SVEP1: variants seen among roughly 807,000 people sequenced by gnomAD.
The protein encoded by SVEP1 is sushi, von Willebrand factor type A, EGF and pentraxin domain-containing protein 1.
A neutral mutation model predicts 367.3 loss-of-function variants in SVEP1; 164 were observed. The ratio of observed to expected loss-of-function variants is 0.45; its 90% confidence interval spans 0.39 to 0.51. The LOEUF (loss-of-function observed/expected upper bound fraction) is 0.51. SVEP1 is among the 20% of genes least tolerant of loss of function. The pLI is 0.00. For synonymous variants in SVEP1, 1,666 were observed against 1,611.6 expected, an observed-to-expected ratio of 1.03 and a Z score of -0.81; for missense variants, 4,117 against 4,425.3, an observed-to-expected ratio of 0.93 and a Z score of 1.98.
At chr9:110,393,392 G>A (rs907489883) in intron 40 of SVEP1, among the ~76,000 whole-genome samples, 12 of 152,150 alleles carry the variant, frequency 7.9e-5, no homozygotes, top group African/African-American at 2.9e-4. Context: ...ACAGAAAAGT[G>A]GCGATGAGAT....
At chr9:110,386,861 C>T (rs1041501506) in intron 42 of SVEP1, among the ~76,000 whole-genome samples, 4 of 152,144 alleles carry the variant, frequency 2.6e-5, no homozygotes, top group Admixed American at 6.5e-5. Context: ...TGTTTTCATT[C>T]GAATGGCTAT....
chr9:110,477,493 C>T (rs1372707495), intron 13 of SVEP1, among the ~76,000 whole-genome samples: 1 of 152,160 alleles, frequency 6.6e-6, no homozygotes, highest in African/African-American at 2.4e-5. Flanking sequence ...CTTTAGCATA[C>T]TTATTCATCC....
intron 1 of SVEP1, among the ~76,000 whole-genome samples, 165 bp downstream of exon 1, chr9:110,578,848 C>A (rs1830656181): frequency 1.3e-5 from 2 of 152,176 alleles, no homozygotes; most frequent in Non-Finnish European, 2.9e-5. Flanking sequence ...ACCTCCACAA[C>A]AATAATAGGC....
rs1829156239 is a variant in SVEP1, at chr9:110,479,740, G to A, written c.2382C>T (p.Asn794=). Residue 794 remains asparagine, a synonymous_variant, in exon 13 of 48, where the codon AAC becomes AAT. Coordinates refer to ENST00000374469, the MANE Select transcript of SVEP1 (RefSeq NM_153366.4). ...ACATCTCAAAGGACTTGAACCCGTGGTTTGCAAAACGTTTTTCTAGAAAAT... is the reference window on the plus strand; with the variant it reads ...ACATCTCAAAGGACTTGAACCCGTGATTTGCAAAACGTTTTTCTAGAAAAT... ...WPDCAKKRFA[N]HGFKSFEMFY... is the part of the protein sequence containing the mutation. 6.2e-7 allele frequency: 1 copy of A among 1,603,826 alleles called. No individual in the cohort carries two copies. Among genetic ancestry groups the A allele is most frequent in the African/African-American group, 1.3e-5 (1 of 74,326 alleles).
At chr9:110,518,457 G>A (rs1489168274) in intron 3 of SVEP1, among the ~76,000 whole-genome samples, 1 of 151,434 alleles carries the variant, frequency 6.6e-6, no homozygotes, top group Admixed American at 6.6e-5. Context: ...ATATATAAAA[G>A]AGAGTATTGT....
rs1830592135 is a variant in SVEP1, at chr9:110,573,706, C to A, written c.531+5307G>T. ...GAAGAGCCTGGCATTCACAGTGGGACCAATTTAAACATATTCACTTTAGGA... is the reference window on the plus strand; with the variant it reads ...GAAGAGCCTGGCATTCACAGTGGGAACAATTTAAACATATTCACTTTAGGA... On this transcript the variant is annotated intron_variant, in intron 1 of 47. Coordinates refer to ENST00000374469, the MANE Select transcript of SVEP1 (RefSeq NM_153366.4). Among the ~76,000 whole-genome samples the A allele has an allele frequency of 1.3e-5, 2 of 151,918 alleles. 1 individual carries two copies. The highest frequency in any genetic ancestry group is 2.9e-5 in the Non-Finnish European group (2 of 68,008).
At chr9:110,562,089 A>G (rs1396700485) in intron 1 of SVEP1, among the ~76,000 whole-genome samples, 1 of 152,170 alleles carries the variant, frequency 6.6e-6, no homozygotes, top group Non-Finnish European at 1.5e-5. Context: ...AAATTGGGAA[A>G]TGGTACGCAC....
At chr9:110,518,068 G>T (rs987316601) in intron 3 of SVEP1, among the ~76,000 whole-genome samples, 4 of 152,008 alleles carry the variant, frequency 2.6e-5, no homozygotes, top group African/African-American at 7.2e-5. Flanking sequence ...GTTTATTTTT[G>T]CTGATCTACA....
chr9:110,445,117 T>C (rs1169145736), intron 26 of SVEP1, among the ~76,000 whole-genome samples: 1 of 152,180 alleles, frequency 6.6e-6, no homozygotes, highest in Non-Finnish European at 1.5e-5. Context: ...ACCTGAAGTT[T>C]TGCCAAGGAT....
Position 110,408,018 on chromosome 9 carries a change from A to G in SVEP1, c.7582T>C (p.Phe2528Leu). ...AAGGCACTGGGACCTTCGAGCCGAA[A>G]GCCTCGGTTGCAAGAGTAGGTAACG... ...QTVTYSCNRG[F>L]RLEGPSALTC... The change falls in exon 38 of 48, where the codon TTT becomes CTT. Residue 2528 changes from phenylalanine (F) to leucine (L), a missense_variant. This residue lies in a region of SVEP1 where 1,765 missense variants were observed against 1,781.1 expected (regional missense o/e 0.99). Coordinates refer to ENST00000374469, the MANE Select transcript of SVEP1 (RefSeq NM_153366.4). 1 of 1,614,036 alleles carries G rather than the reference A, an allele frequency of 6.2e-7. No homozygotes were observed. The highest frequency in any genetic ancestry group is 8.5e-7 in the Non-Finnish European group (1 of 1,179,894).
At chr9:110,456,430 G>A (rs113817740) in intron 21 of SVEP1, among the ~76,000 whole-genome samples, 3,559 of 151,930 alleles carry the variant, frequency 0.023, 40 homozygotes, top group Middle Eastern at 0.037. Context: ...CTTATGGAAC[G>A]TCAAGGTAAA....
Position 110,468,953 on chromosome 9 carries a change from G to A in SVEP1, c.3147C>T (p.Ile1049=), listed in dbSNP as rs1392212786. 1.7e-5 allele frequency: 27 copies of A among 1,594,670 alleles called. No individual in the cohort carries two copies. In the East Asian group the frequency reaches 5.9e-4, roughly 35 times the overall value. The change falls in exon 17 of 48, where the codon ATC becomes ATT. Residue 1049 remains isoleucine (I), a synonymous_variant. Transcript: ENST00000374469. ...MYTEYIHSRN[I]SDCKAQCKQG... ...GTAAGCCTCTACCTTTACAATCAGA[G>A]ATGTTTCTTGAATGGATATATTCCG...
At chr9:110,475,928 T>C (rs1829091588) in intron 14 of SVEP1, 1 of 313,192 alleles carries the variant, frequency 3.2e-6, no homozygotes, top group South Asian at 4.1e-5. Context: ...TTAGGATACA[T>C]CAACATTTGA....
chr9:110,390,669 T>TTGTC (rs1827641404), intron 40 of SVEP1, among the ~76,000 whole-genome samples: 1 of 151,918 alleles, frequency 6.6e-6, no homozygotes, highest in Non-Finnish European at 1.5e-5. Flanking sequence ...GAGCAGCAAT[T>TTGTC]TGTCAGTGAT....
intron 47 of SVEP1, among the ~76,000 whole-genome samples, chr9:110,366,846 G>A (rs1827209619): frequency 6.6e-6 from 1 of 152,108 alleles, no homozygotes; most frequent in Non-Finnish European, 1.5e-5. Flanking sequence ...TAAAATGAGG[G>A]GTTTGGAGCT....
chr9:110,556,206 G>C (rs865889036), intron 1 of SVEP1, among the ~76,000 whole-genome samples: 2 of 152,096 alleles, frequency 1.3e-5, no homozygotes, highest in Non-Finnish European at 2.9e-5. Context: ...CAAAAATGCA[G>C]GGTTGTGTAA....
chr9:110,405,701 C>T (rs911684514), intron 38 of SVEP1, among the ~76,000 whole-genome samples: 2 of 152,270 alleles, frequency 1.3e-5, no homozygotes, highest in East Asian at 3.9e-4. Flanking sequence ...AGGTCCTTTA[C>T]ATAAGATATT....
At chr9:110,380,659 C>A (rs77676694) in intron 43 of SVEP1, among the ~76,000 whole-genome samples, 3,368 of 151,856 alleles carry the variant, frequency 0.022, 128 homozygotes, top group African/African-American at 0.077. Context: ...TTTTCTTTTT[C>A]TTGTATCTCC....
intron 1 of SVEP1, among the ~76,000 whole-genome samples, chr9:110,567,843 C>T (rs921531814): frequency 1.3e-5 from 2 of 152,132 alleles, no homozygotes; most frequent in Non-Finnish European, 2.9e-5. Flanking sequence ...TCTGCATCTC[C>T]GCCTGAGGGC....
Sources: gnomAD v4.1 joint callset for allele counts (sites outside exome capture counted in the v4.1 genomes callset) on GRCh38, gnomAD v4.1.1 for gene constraint, gnomAD v4.1.1 regional missense constraint, MANE v1.5 for transcripts, NCBI Gene and HGNC (gene_info 2026-07-23, HGNC 2026-07-21) for gene names.